The following CXCL13 variants were observed in gnomAD, a reference collection of about 807,000 sequenced individuals.
The protein encoded by CXCL13 is C-X-C motif chemokine 13.
CXCL13 carries 7 observed loss-of-function variants against 12.2 expected under a neutral mutation model. That is an observed-to-expected ratio of 0.57 (90% CI 0.33 to 1.07). The LOEUF is 1.07. CXCL13 is among the 50% of genes least tolerant of loss of function. The probability of loss-of-function intolerance (pLI) is 0.04; values close to 1 mark genes in which losing one functional copy is unlikely to be tolerated. For missense variants in CXCL13, 113 were observed against 127.4 expected (o/e 0.89, Z 0.55); for synonymous variants, 47 against 42.4 (o/e 1.11, Z -0.42).
Position 77,580,626 on chromosome 4 carries a change from G to A in CXCL13, c.-42-25198G>A, listed in dbSNP as rs1726306715. Among the ~76,000 whole-genome samples the A allele has an allele frequency of 2.0e-5, 3 of 151,666 alleles. No homozygotes were observed. In the South Asian group the frequency reaches 6.3e-4, roughly 32 times the overall value. ...AGGTGTGAGCCACCATGCCCAGCCG[G>A]GCTCTTATAAAGCCTTCAGGATTTA... is the stretch of plus-strand genomic sequence containing the variant. On this transcript the variant is annotated intron_variant, in intron 1 of 4. Coordinates refer to the CXCL13 transcript ENST00000286758.
At chr4:77,575,935 G>T (rs1726187955) in intron 1 of CXCL13, among the ~76,000 whole-genome samples, 1 of 151,614 alleles carries the variant, frequency 6.6e-6, no homozygotes, top group South Asian at 2.1e-4. Flanking sequence ...CACAATTAAG[G>T]TTGTTATGTT....
chr4:77,575,722 A>G (rs887675104), intron 1 of CXCL13, among the ~76,000 whole-genome samples: 10 of 151,770 alleles, frequency 6.6e-5, no homozygotes, highest in Admixed American at 6.5e-4. Context: ...AGCTTTACTG[A>G]CACCTAGCTT....
chr4:77,549,273 G>T (rs1049465498), intron 1 of CXCL13, among the ~76,000 whole-genome samples: 1 of 152,120 alleles, frequency 6.6e-6, no homozygotes, highest in Non-Finnish European at 1.5e-5. Context: ...TCCTTTCAAT[G>T]AGTTAGAATA....
chr4:77,546,126 G>C (rs1328964559), intron 1 of CXCL13, among the ~76,000 whole-genome samples: 1 of 152,144 alleles, frequency 6.6e-6, no homozygotes, highest in South Asian at 2.1e-4. Flanking sequence ...TAGGCTTTTT[G>C]ATGTGCTGCT....
chr4:77,535,841 T>C (rs1284087951), intron 1 of CXCL13, among the ~76,000 whole-genome samples: 1 of 152,174 alleles, frequency 6.6e-6, no homozygotes, highest in Non-Finnish European at 1.5e-5. Context: ...ACCTTCAGCA[T>C]TTGAGTGCCA....
chr4:77,582,511 G>A (rs1726364034), intron 1 of CXCL13, among the ~76,000 whole-genome samples: 1 of 152,172 alleles, frequency 6.6e-6, no homozygotes, highest in Admixed American at 6.5e-5. Context: ...GCAAGAGCAA[G>A]GGCAAGAGAG....
chr4:77,519,119 C>G (rs748789135), intron 1 of CXCL13, among the ~76,000 whole-genome samples: 2 of 152,142 alleles, frequency 1.3e-5, no homozygotes, highest in Non-Finnish European at 2.9e-5. Flanking sequence ...TTTTTGTGAA[C>G]CGTGAATGCT....
intron 1 of CXCL13, among the ~76,000 whole-genome samples, chr4:77,535,348 G>T (rs17406477): frequency 6.6e-6 from 1 of 151,992 alleles, no homozygotes; most frequent in East Asian, 1.9e-4. Context: ...CCTTATAGGC[G>T]TACCCTTTCC....
chr4:77,574,415 G>T (rs1175926689), intron 1 of CXCL13, among the ~76,000 whole-genome samples: 2 of 151,826 alleles, frequency 1.3e-5, no homozygotes, highest in Non-Finnish European at 2.9e-5. Flanking sequence ...TTTGTATCAT[G>T]TTACCTCACC....
chr4:77,532,654 T>C (rs370492083), intron 1 of CXCL13, among the ~76,000 whole-genome samples: 1 of 152,344 alleles, frequency 6.6e-6, no homozygotes, highest in South Asian at 2.1e-4. Flanking sequence ...CCAACTTGGT[T>C]CCATTCTCCC....
At chr4:77,559,026 C>A (rs10518176) in intron 1 of CXCL13, among the ~76,000 whole-genome samples, 8,567 of 152,236 alleles carry the variant, frequency 0.056, 841 homozygotes, top group African/African-American at 0.19. Context: ...TCTCCAATGT[C>A]AGATATCAGC....
rs767871777 is a variant in CXCL13 at position 77,610,689 on chromosome 4, G to A, written c.273G>A (p.Leu91=). The change falls in exon 3 of 4, where the codon TTG becomes TTA. Residue 91 remains leucine (L), a synonymous_variant. Transcript: ENST00000682537. ...GGATACAAAGAATGATGGAAGTATT[G>A]AGAAAGTAAGTTAGGCATAACAAGG... ...AEWIQRMMEV[L]RKRSSSTLPV... 6.0e-5 allele frequency: 97 copies of A among 1,610,320 alleles called. No homozygotes were observed. The highest frequency in any genetic ancestry group is 8.2e-5 in the Non-Finnish European group (96 of 1,176,650).
chr4:77,531,667 T>C (rs927530848), intron 1 of CXCL13, among the ~76,000 whole-genome samples: 2 of 152,104 alleles, frequency 1.3e-5, no homozygotes, highest in African/African-American at 4.8e-5. Flanking sequence ...CCCATTATTA[T>C]TGTGTGGGAG....
chr4:77,544,612 ATTTG>A (rs1439656653), intron 1 of CXCL13, among the ~76,000 whole-genome samples: 1 of 152,018 alleles, frequency 6.6e-6, no homozygotes, highest in Non-Finnish European at 1.5e-5. Context: ...TTTCTTGTAA[ATTTG>A]TTTGAGTTCT....
chr4:77,526,806 C>A (rs1045416633), intron 1 of CXCL13, among the ~76,000 whole-genome samples: 2 of 152,126 alleles, frequency 1.3e-5, no homozygotes, highest in Non-Finnish European at 2.9e-5. Flanking sequence ...GCCAGGGAGC[C>A]TTTCGTGAAG....
intron 1 of CXCL13, among the ~76,000 whole-genome samples, chr4:77,586,616 G>A (rs116279874): frequency 1.4e-4 from 22 of 152,316 alleles, no homozygotes; most frequent in Non-Finnish European, 2.4e-4. Flanking sequence ...GTGCTAGGCT[G>A]CATATTCAGG....
chr4:77,542,048 A>G (rs1725217275), intron 1 of CXCL13, among the ~76,000 whole-genome samples: 1 of 152,094 alleles, frequency 6.6e-6, no homozygotes, highest in African/African-American at 2.4e-5. Flanking sequence ...AGATTTCTGT[A>G]TATTGGCTTT....
intron 1 of CXCL13, among the ~76,000 whole-genome samples, chr4:77,564,867 C>A (rs1231228311): frequency 6.6e-6 from 1 of 152,170 alleles, no homozygotes; most frequent in Non-Finnish European, 1.5e-5. Context: ...TGGTGCAATC[C>A]TTTGTGGAGC....
intron 1 of CXCL13, among the ~76,000 whole-genome samples, chr4:77,523,811 A>G (rs1724685534): frequency 6.6e-6 from 1 of 152,180 alleles, no homozygotes. Context: ...TAGAATTTTC[A>G]GCTTTTCTGC....
Sources: allele counts gnomAD v4.1 joint callset (sites outside exome capture counted in the v4.1 genomes callset), GRCh38; gene constraint gnomAD v4.1.1; transcripts MANE v1.5; gene names NCBI Gene and HGNC (gene_info 2026-07-23, HGNC 2026-07-21).